CHN2: variants seen among roughly 807,000 people sequenced by gnomAD.
The protein encoded by CHN2 is beta-chimaerin.
In CHN2, 35 loss-of-function variants were observed where a neutral mutation model predicts 56.3. That is an observed-to-expected ratio of 0.62 (90% CI 0.47 to 0.82). CHN2 has a LOEUF of 0.82. CHN2 is among the 40% of genes least tolerant of loss of function. The probability of loss-of-function intolerance (pLI) is 0.00; values close to 1 mark genes in which losing one functional copy is unlikely to be tolerated. For missense variants in CHN2, 491 were observed against 580.5 expected (o/e 0.85, Z 1.58); for synonymous variants, 210 against 212.8 (o/e 0.99, Z 0.12).
intron 1 of CHN2, among the ~76,000 whole-genome samples, chr7:29,268,691 C>T (rs902108744): frequency 7.2e-5 from 11 of 152,196 alleles, no homozygotes; most frequent in African/African-American, 2.7e-4. Context: ...GGCAACACAA[C>T]AGCTGGGCTG....
chr7:29,434,315 C>G (rs1249931264), intron 6 of CHN2, among the ~76,000 whole-genome samples: 1 of 152,160 alleles, frequency 6.6e-6, no homozygotes, highest in South Asian at 2.1e-4. Flanking sequence ...GTAAAGGCCC[C>G]TTGTCAGTTT....
chr7:29,475,287 C>T (rs1339995278), intron 6 of CHN2, among the ~76,000 whole-genome samples: 1 of 152,014 alleles, frequency 6.6e-6, no homozygotes, highest in African/African-American at 2.4e-5. Flanking sequence ...TATTTATAGC[C>T]CCACCTACTT....
At chr7:29,374,965 G>A (rs189872999) in intron 3 of CHN2, among the ~76,000 whole-genome samples, 7,004 of 149,528 alleles carry the variant, frequency 0.047, 251 homozygotes, top group South Asian at 0.11. Context: ...TTGGCTCACC[G>A]CAACCTCCGC....
Position 29,416,096 on chromosome 7 carries a change from A to G in CHN2, c.576+15268A>G, listed in dbSNP as rs191448231. Among the ~76,000 whole-genome samples, 38 of 152,240 alleles carry G rather than the reference A, an allele frequency of 2.5e-4. No homozygotes were observed. In the East Asian group the frequency reaches 7.1e-3, roughly 29 times the overall value. ...ACAGGGCTTCTGTGTTCAAGACATA[A>G]CCTTCTATTCTGCAAAGCCCTCTGC... is the stretch of plus-strand genomic sequence containing the variant. On this transcript the variant is annotated intron_variant, in intron 6 of 12. Transcript: ENST00000222792.
chr7:29,390,116 C>T (rs1801246222), intron 3 of CHN2, among the ~76,000 whole-genome samples: 1 of 151,656 alleles, frequency 6.6e-6, no homozygotes, highest in Non-Finnish European at 1.5e-5. Context: ...CAGTGAAACC[C>T]TCTGTGCCTT....
At chr7:29,381,078 T>C (rs1340080017) in intron 3 of CHN2, among the ~76,000 whole-genome samples, 2 of 152,174 alleles carry the variant, frequency 1.3e-5, no homozygotes, top group East Asian at 1.9e-4. Flanking sequence ...AAGATAACAT[T>C]TATCTTCATG....
At chr7:29,403,155 A>G (rs1041253477) in intron 6 of CHN2, among the ~76,000 whole-genome samples, 30 of 152,142 alleles carry the variant, frequency 2.0e-4, no homozygotes, top group Admixed American at 7.2e-4. Context: ...GTTACTTGGT[A>G]CGAATCCATC....
chr7:29,305,906 C>T (rs1353232086), intron 1 of CHN2, among the ~76,000 whole-genome samples: 2 of 151,718 alleles, frequency 1.3e-5, no homozygotes, highest in African/African-American at 4.8e-5. Flanking sequence ...CTCCTTTTCC[C>T]CATCCAAACT....
At chr7:29,309,176 T>G (rs954792013) in intron 1 of CHN2, among the ~76,000 whole-genome samples, 3 of 152,206 alleles carry the variant, frequency 2.0e-5, no homozygotes, top group Admixed American at 6.5e-5. Flanking sequence ...CAAAAGCTTT[T>G]TTTTTGTTTT....
At chr7:29,284,404 T>G (rs1791983926) in intron 1 of CHN2, among the ~76,000 whole-genome samples, 1 of 152,178 alleles carries the variant, frequency 6.6e-6, no homozygotes, top group South Asian at 2.1e-4. Flanking sequence ...CTAGGCAAGC[T>G]CTTTAAAAGA....
intron 3 of CHN2, among the ~76,000 whole-genome samples, chr7:29,387,468 G>A (rs565608074): frequency 1.3e-5 from 2 of 152,224 alleles, no homozygotes; most frequent in South Asian, 4.1e-4. Flanking sequence ...TTTGCTATTG[G>A]GACTTGCTAA....
chr7:29,321,571 T>TTTC (rs72412858), intron 1 of CHN2, among the ~76,000 whole-genome samples: 2 of 11,738 alleles, frequency 1.7e-4, no homozygotes, highest in Non-Finnish European at 5.5e-4. Flanking sequence ...TCTTTCTTTC[T>TTTC]TTTTTTTTTT....
rs573194372 is a variant in CHN2, at chr7:29,425,615, G to T, written c.576+24787G>T. Among the ~76,000 whole-genome samples, 107 of 152,292 alleles carry T rather than the reference G, an allele frequency of 7.0e-4. 2 individuals carry two copies. The highest frequency in any genetic ancestry group is 2.5e-3 in the African/African-American group (105 of 41,552). ...AGGAACTTTAGACCTAACTGTAGCA[G>T]AAGTGGGGTATTCGGGTAGGTGTTC... is the stretch of plus-strand genomic sequence containing the variant. On this transcript the variant is annotated intron_variant, in intron 6 of 12. Transcript: ENST00000222792.
At chr7:29,463,557 T>G (rs1252776113) in intron 6 of CHN2, among the ~76,000 whole-genome samples, 1 of 152,226 alleles carries the variant, frequency 6.6e-6, no homozygotes, top group Non-Finnish European at 1.5e-5. Context: ...TCAGATTGTT[T>G]AAGATGTCAT....
chr7:29,440,218 C>A (rs777351651), intron 6 of CHN2, among the ~76,000 whole-genome samples: 1 of 152,102 alleles, frequency 6.6e-6, no homozygotes, highest in Non-Finnish European at 1.5e-5. Flanking sequence ...TCTTTTGTGG[C>A]TAAAATGTAG....
chr7:29,249,734 G>A (rs190499199), intron 1 of CHN2, among the ~76,000 whole-genome samples: 5 of 152,170 alleles, frequency 3.3e-5, no homozygotes, highest in Admixed American at 2.6e-4. Flanking sequence ...CTTAATAGCC[G>A]CTCCAATGTG....
At chr7:29,271,661 G>T (rs1019139341) in intron 1 of CHN2, among the ~76,000 whole-genome samples, 1 of 152,186 alleles carries the variant, frequency 6.6e-6, no homozygotes, top group Non-Finnish European at 1.5e-5. Flanking sequence ...GTGCAGAATC[G>T]ATTCTGTTTC....
intron 1 of CHN2, chr7:29,293,043 C>CT (rs1792768220): frequency 2.2e-6 from 1 of 455,958 alleles, no homozygotes; most frequent in African/African-American, 2.0e-5. Flanking sequence ...CCTCACCTGC[C>CT]ACATGCCCCA....
chr7:29,194,285 C>G (rs1468292879), upstream of CHN2: 1 of 152,626 alleles, frequency 6.6e-6, no homozygotes, highest in African/African-American at 2.4e-5. Flanking sequence ...CCCCAGCACC[C>G]CGGGGACCCG....
Sources: allele counts gnomAD v4.1 joint callset (sites outside exome capture counted in the v4.1 genomes callset), GRCh38; gene constraint gnomAD v4.1.1; transcripts MANE v1.5; gene names NCBI Gene and HGNC (gene_info 2026-07-23, HGNC 2026-07-21).